LRMDA: variants seen among roughly 807,000 people sequenced by gnomAD.
LRMDA encodes the protein leucine rich melanocyte differentiation associated.
A neutral mutation model predicts 29.8 loss-of-function variants in LRMDA; 18 were observed. The observed-to-expected ratio is 0.60, with a 90% confidence interval of 0.42 to 0.90. The LOEUF is 0.90. Ranked by LOEUF, LRMDA falls within the 40% of genes least tolerant of loss-of-function variation. The pLI is 0.00. For missense variants in LRMDA, 273 were observed against 273.9 expected (o/e 1.00, Z 0.02); for synonymous variants, 125 against 109.4 (o/e 1.14, Z -0.89).
chr10:76,078,173 C>T (rs1848991551), intron 5 of LRMDA, among the ~76,000 whole-genome samples: 2 of 151,388 alleles, frequency 1.3e-5, no homozygotes, highest in East Asian at 2.0e-4. Context: ...ACGAGTCCGG[C>T]TAATTTTTTG....
intron 2 of LRMDA, among the ~76,000 whole-genome samples, chr10:75,810,548 A>G (rs1315124992): frequency 2.0e-5 from 3 of 152,232 alleles, no homozygotes; most frequent in Non-Finnish European, 4.4e-5. Context: ...TCATGAAATC[A>G]CCAACATTCT....
At chr10:75,716,892 A>G (rs1480176730) in intron 2 of LRMDA, among the ~76,000 whole-genome samples, 1 of 152,228 alleles carries the variant, frequency 6.6e-6, no homozygotes, top group Non-Finnish European at 1.5e-5. Flanking sequence ...GATATGAAAA[A>G]TGAGGGAGCA....
intron 2 of LRMDA, among the ~76,000 whole-genome samples, chr10:75,756,713 A>G (rs1191461732): frequency 6.6e-6 from 1 of 152,184 alleles, no homozygotes; most frequent in South Asian, 2.1e-4. Flanking sequence ...CTTAATCTGT[A>G]CAAGTCATGT....
At chr10:76,112,557 A>T (rs1849598533) in intron 5 of LRMDA, among the ~76,000 whole-genome samples, 1 of 152,242 alleles carries the variant, frequency 6.6e-6, no homozygotes, top group Non-Finnish European at 1.5e-5. Context: ...GTCAGGGGGA[A>T]GGTCTCCCAG....
intron 5 of LRMDA, among the ~76,000 whole-genome samples, chr10:76,213,377 T>C (rs1208653907): frequency 6.6e-6 from 1 of 152,240 alleles, no homozygotes; most frequent in African/African-American, 2.4e-5. Flanking sequence ...AATTAGAACA[T>C]GTATCATTTG....
At chr10:75,901,758 A>G (rs1167136824) in intron 2 of LRMDA, among the ~76,000 whole-genome samples, 2 of 152,182 alleles carry the variant, frequency 1.3e-5, no homozygotes, top group Non-Finnish European at 2.9e-5. Flanking sequence ...TAACTAATAG[A>G]ACAAGAGAAG....
chr10:75,623,936 A>G (rs1430980912), intron 2 of LRMDA, among the ~76,000 whole-genome samples: 1 of 152,200 alleles, frequency 6.6e-6, no homozygotes, highest in East Asian at 1.9e-4. Flanking sequence ...GCTGCTGACT[A>G]ACCATGCAAT....
At chr10:75,602,196 C>A (rs1182542467) in intron 2 of LRMDA, among the ~76,000 whole-genome samples, 2 of 151,798 alleles carry the variant, frequency 1.3e-5, no homozygotes, top group African/African-American at 4.8e-5. Flanking sequence ...ATAACCCCCC[C>A]CAAATATTCC....
intron 2 of LRMDA, among the ~76,000 whole-genome samples, chr10:75,777,855 A>C (rs138330309): frequency 6.6e-6 from 1 of 152,334 alleles, no homozygotes; most frequent in African/African-American, 2.4e-5. Flanking sequence ...AGGTGCTATA[A>C]ATATATATTT....
At chr10:76,118,975 A>AT (rs1554848694) in intron 5 of LRMDA, among the ~76,000 whole-genome samples, 2 of 151,288 alleles carry the variant, frequency 1.3e-5, no homozygotes, top group Non-Finnish European at 2.9e-5. Flanking sequence ...GCGCAGGCCA[A>AT]TCTGCCCATA....
At chr10:76,068,007 A>T (rs1848812437) in intron 5 of LRMDA, among the ~76,000 whole-genome samples, 1 of 152,254 alleles carries the variant, frequency 6.6e-6, no homozygotes. Flanking sequence ...GGGCAGGCAG[A>T]GGCCAACCAC....
intron 5 of LRMDA, among the ~76,000 whole-genome samples, chr10:76,232,112 G>A (rs555947439): frequency 6.6e-6 from 1 of 152,250 alleles, no homozygotes; most frequent in Admixed American, 6.5e-5. Context: ...CAAATAGCAT[G>A]TTTAAAGGAG....
intron 2 of LRMDA, among the ~76,000 whole-genome samples, chr10:75,901,729 G>C (rs1190291429): frequency 6.6e-6 from 1 of 152,206 alleles, no homozygotes; most frequent in Non-Finnish European, 1.5e-5. Context: ...TTTTGTTCAA[G>C]AGTGTGTTGC....
At chr10:75,649,223 T>A (rs1306294648) in intron 2 of LRMDA, among the ~76,000 whole-genome samples, 3 of 152,214 alleles carry the variant, frequency 2.0e-5, no homozygotes, top group African/African-American at 7.2e-5. Flanking sequence ...TTTATCCTTT[T>A]GTGTCTGGCT....
intron 2 of LRMDA, among the ~76,000 whole-genome samples, chr10:75,806,136 A>G (rs998733014): frequency 1.3e-5 from 2 of 152,196 alleles, no homozygotes; most frequent in African/African-American, 4.8e-5. Flanking sequence ...ACCTGATCTC[A>G]TGATAACTCT....
At chr10:75,652,462 C>T (rs919183104) in intron 2 of LRMDA, among the ~76,000 whole-genome samples, 1 of 152,238 alleles carries the variant, frequency 6.6e-6, no homozygotes, top group African/African-American at 2.4e-5. Context: ...GTTTTTCTGA[C>T]TATATCACAG....
chr10:75,451,823 T>C (rs1033643909), intron 2 of LRMDA: 1 of 152,132 alleles, frequency 6.6e-6, no homozygotes, highest in African/African-American at 2.4e-5. Flanking sequence ...AGGATTTAGC[T>C]TTCGCTACGT....
At chr10:76,040,267 C>T (rs1038225771) in intron 3 of LRMDA, among the ~76,000 whole-genome samples, 1 of 152,174 alleles carries the variant, frequency 6.6e-6, no homozygotes, top group African/African-American at 2.4e-5. Context: ...GGAGTCTGCT[C>T]TTAAAAGGGA....
chr10:76,438,373 C>T (rs1013952136), intron 6 of LRMDA, among the ~76,000 whole-genome samples: 1 of 152,186 alleles, frequency 6.6e-6, no homozygotes, highest in African/African-American at 2.4e-5. Context: ...TTACAATACT[C>T]ATTGCATGAC....
Sources: gnomAD v4.1 joint callset for allele counts (sites outside exome capture counted in the v4.1 genomes callset) on GRCh38, gnomAD v4.1.1 for gene constraint, MANE v1.5 for transcripts, NCBI Gene and HGNC (gene_info 2026-07-23, HGNC 2026-07-21) for gene names.